The following DNAAF11 variants were observed in gnomAD, a reference collection of about 807,000 sequenced individuals.
DNAAF11 encodes dynein axonemal assembly factor 11.
DNAAF11 carries 45 observed loss-of-function variants against 60.8 expected under a neutral mutation model. The observed-to-expected ratio is 0.74, with a 90% confidence interval of 0.58 to 0.95. DNAAF11 has a LOEUF of 0.95. Ranked by LOEUF, DNAAF11 falls within the 40% of genes least tolerant of loss-of-function variation. The pLI is 0.00. For synonymous variants in DNAAF11, 191 were observed against 183.5 expected (o/e 1.04, Z -0.33); for missense variants, 546 against 546.2 (o/e 1.00, Z 0.00).
At chr8:132,665,928 A>C (rs1336976975) in intron 1 of DNAAF11, among the ~76,000 whole-genome samples, 2 of 152,058 alleles carry the variant, frequency 1.3e-5, no homozygotes, top group Non-Finnish European at 2.9e-5. Context: ...AAAAAGAAAA[A>C]ATCATGTCCT....
chr8:132,625,814 G>C (rs1423227519), intron 5 of DNAAF11, among the ~76,000 whole-genome samples: 1 of 152,160 alleles, frequency 6.6e-6, no homozygotes, highest in Non-Finnish European at 1.5e-5. Flanking sequence ...AGCCTATTCA[G>C]TAGATCTGAA....
At chr8:132,694,701 T>A in the DNAAF11 span, among the ~76,000 whole-genome samples, 1 of 152,204 alleles carries the variant, frequency 6.6e-6, no homozygotes, top group African/African-American at 2.4e-5. Flanking sequence ...CAAACTCTAT[T>A]TTGGACATGT....
At chr8:132,698,979 A>T in the DNAAF11 span, among the ~76,000 whole-genome samples, 1 of 150,004 alleles carries the variant, frequency 6.7e-6, no homozygotes, top group African/African-American at 2.5e-5. Context: ...CACAAAAAAA[A>T]TTAGCCGGGC....
intron 1 of DNAAF11, among the ~76,000 whole-genome samples, chr8:132,673,538 T>C (rs1474558630): frequency 1.3e-5 from 2 of 152,200 alleles, no homozygotes; most frequent in African/African-American, 2.4e-5. Flanking sequence ...AAAACCTGTA[T>C]GAGCGGATCC....
At chr8:132,699,669 T>C in the DNAAF11 span, among the ~76,000 whole-genome samples, 1 of 152,038 alleles carries the variant, frequency 6.6e-6, no homozygotes, top group Admixed American at 6.6e-5. Flanking sequence ...CCATTTACAA[T>C]AGCCCCAAAA....
intron 3 of DNAAF11, among the ~76,000 whole-genome samples, chr8:132,650,918 A>G (rs1822947199): frequency 1.3e-5 from 2 of 152,196 alleles, no homozygotes; most frequent in South Asian, 2.1e-4. Context: ...TGTTCATTAT[A>G]TTTTTCAAAG....
chr8:132,636,926 C>T (rs933080764), intron 4 of DNAAF11, among the ~76,000 whole-genome samples: 3 of 152,328 alleles, frequency 2.0e-5, no homozygotes, highest in African/African-American at 7.2e-5. Context: ...AAACAAACGT[C>T]CTTTGAGAAC....
intron 3 of DNAAF11, among the ~76,000 whole-genome samples, chr8:132,656,449 T>A (rs1390753857): frequency 2.6e-5 from 4 of 152,228 alleles, no homozygotes; most frequent in Non-Finnish European, 1.5e-5. Context: ...TACCTATTTT[T>A]ATACAAGACT....
intron 1 of DNAAF11, among the ~76,000 whole-genome samples, chr8:132,674,261 G>A (rs1825548816): frequency 6.6e-6 from 1 of 152,026 alleles, no homozygotes; most frequent in Admixed American, 6.5e-5. Flanking sequence ...GTGAGACCAG[G>A]GGATGGGGAG....
At chr8:132,670,400 GAC>G (rs1825068427) in intron 1 of DNAAF11, among the ~76,000 whole-genome samples, 1 of 152,096 alleles carries the variant, frequency 6.6e-6, no homozygotes, top group Non-Finnish European at 1.5e-5. Context: ...TCCCTTAAAA[GAC>G]ACAAATTACA....
intron 3 of DNAAF11, among the ~76,000 whole-genome samples, chr8:132,649,007 C>A (rs1159157752): frequency 5.3e-5 from 8 of 152,158 alleles, no homozygotes; most frequent in Admixed American, 2.0e-4. Flanking sequence ...TTGGAAAAAA[C>A]TACTTTTTTA....
chr8:132,618,955 C>A (rs1819475049), intron 7 of DNAAF11, among the ~76,000 whole-genome samples: 1 of 152,040 alleles, frequency 6.6e-6, no homozygotes, highest in South Asian at 2.1e-4. Context: ...TGGATATATA[C>A]CCAAAGGACT....
intron 10 of DNAAF11, among the ~76,000 whole-genome samples, chr8:132,603,255 A>C (rs1363742784): frequency 6.6e-6 from 1 of 152,106 alleles, no homozygotes; most frequent in Non-Finnish European, 1.5e-5. Flanking sequence ...AGAGCTCTAG[A>C]GGTATTATGA....
chr8:132,603,796 A>G (rs984566316), intron 10 of DNAAF11, among the ~76,000 whole-genome samples: 4 of 152,026 alleles, frequency 2.6e-5, no homozygotes, highest in Non-Finnish European at 5.9e-5. Context: ...ATGTTTTCTA[A>G]TGTAAGATTC....
At chr8:132,648,215 C>T (rs540682634) in intron 3 of DNAAF11, among the ~76,000 whole-genome samples, 47 of 152,160 alleles carry the variant, frequency 3.1e-4, no homozygotes, top group East Asian at 1.9e-3. Flanking sequence ...ATATGCAAAC[C>T]GATAAATATA....
chr8:132,610,532 T>C (rs1384540496), intron 9 of DNAAF11, among the ~76,000 whole-genome samples: 3 of 152,154 alleles, frequency 2.0e-5, no homozygotes, highest in Admixed American at 6.5e-5. Flanking sequence ...CAAAAAACCA[T>C]CAACATTATT....
intron 11 of DNAAF11, among the ~76,000 whole-genome samples, chr8:132,577,519 C>T (rs763518279): frequency 7.9e-5 from 12 of 152,104 alleles, no homozygotes; most frequent in Non-Finnish European, 1.2e-4. Context: ...CATAACCTAA[C>T]GTAAATTTTT....
At chr8:132,584,778 G>C (rs907180091) in intron 10 of DNAAF11, among the ~76,000 whole-genome samples, 1 of 152,144 alleles carries the variant, frequency 6.6e-6, no homozygotes, top group African/African-American at 2.4e-5. Flanking sequence ...TGTTCTGCCT[G>C]ACTTGGTGTG....
intron 3 of DNAAF11, among the ~76,000 whole-genome samples, chr8:132,653,914 C>T (rs182805797): frequency 2.0e-5 from 3 of 152,132 alleles, no homozygotes; most frequent in Admixed American, 6.5e-5. Context: ...TGCCTTATTG[C>T]TAATTACATT....
Sources: gnomAD v4.1 joint callset for allele counts (sites outside exome capture counted in the v4.1 genomes callset) on GRCh38, gnomAD v4.1.1 for gene constraint, MANE v1.5 for transcripts, NCBI Gene and HGNC (gene_info 2026-07-23, HGNC 2026-07-21) for gene names.